The following EIF3H variants were observed in gnomAD, a reference collection of about 807,000 sequenced individuals.
EIF3H encodes the protein eIF-3-gamma.
Under a neutral mutation model 44.2 loss-of-function variants are expected in EIF3H, and 26 were observed. That is an observed-to-expected ratio of 0.59 (90% CI 0.43 to 0.82). EIF3H has a LOEUF of 0.82. EIF3H is among the 40% of genes least tolerant of loss of function. The pLI, the probability that EIF3H is intolerant of heterozygous loss-of-function variation, is 0.00. For synonymous variants in EIF3H, 166 were observed against 151.9 expected (o/e 1.09, Z -0.68); for missense variants, 359 against 432.8 (o/e 0.83, Z 1.51).
intron 2 of EIF3H, among the ~76,000 whole-genome samples, chr8:116,712,701 A>T (rs140233170): frequency 6.6e-6 from 1 of 152,192 alleles, no homozygotes; most frequent in Non-Finnish European, 1.5e-5. Context: ...ATCTCAAAAC[A>T]GATAAAGTCC....
At chr8:116,667,481 T>G (rs1475242754) in intron 2 of EIF3H, among the ~76,000 whole-genome samples, 1 of 141,460 alleles carries the variant, frequency 7.1e-6, no homozygotes, top group Admixed American at 7.0e-5. Context: ...AAAAAAAAGA[T>G]TAAGGGGCTA....
At chr8:116,697,563 A>C (rs990269888) in intron 2 of EIF3H, among the ~76,000 whole-genome samples, 2 of 152,188 alleles carry the variant, frequency 1.3e-5, no homozygotes, top group Non-Finnish European at 2.9e-5. Flanking sequence ...CCTTAAAGCC[A>C]CTATAAAGAG....
At chr8:116,657,391 TTC>T in intron 3 of EIF3H, 77 bp from the exon 4 acceptor site, 1 of 1,029,044 alleles carries the variant, frequency 9.7e-7, no homozygotes, top group Admixed American at 2.0e-5. Context: ...TCTAGGCACA[TTC>T]TGTTACATAT....
intron 2 of EIF3H, 105 bp downstream of exon 2, chr8:116,725,911 G>T: frequency 1.5e-6 from 2 of 1,350,212 alleles, no homozygotes; most frequent in Non-Finnish European, 2.0e-6. Flanking sequence ...AAGTAGGCTA[G>T]CCTGACAGAT....
At chr8:116,719,538 C>A (rs1255094649) in intron 2 of EIF3H, among the ~76,000 whole-genome samples, 1 of 151,828 alleles carries the variant, frequency 6.6e-6, no homozygotes, top group African/African-American at 2.4e-5. Context: ...GAGGACAGCA[C>A]ACAAATAAAA....
intron 2 of EIF3H, among the ~76,000 whole-genome samples, chr8:116,691,583 T>C (rs1042844582): frequency 6.7e-6 from 1 of 149,528 alleles, no homozygotes; most frequent in African/African-American, 2.5e-5. Flanking sequence ...ATAAAAGAAA[T>C]GCCCTTTTAG....
chr8:116,667,026 T>G (rs951840790), intron 2 of EIF3H, among the ~76,000 whole-genome samples: 5 of 152,196 alleles, frequency 3.3e-5, no homozygotes, highest in Non-Finnish European at 7.4e-5. Context: ...TAGCTTGCAT[T>G]AAACCATACA....
chr8:116,648,998 T>G, intron 5 of EIF3H, 72 bp from the exon 6 acceptor site: 1 of 1,371,964 alleles, frequency 7.3e-7, no homozygotes, highest in East Asian at 2.6e-5. Flanking sequence ...TAAACAGTTT[T>G]AAGATATGAA....
upstream of EIF3H, among the ~76,000 whole-genome samples, chr8:116,757,930 C>A (rs1396575829): frequency 1.3e-5 from 2 of 152,122 alleles, no homozygotes; most frequent in African/African-American, 4.8e-5. Context: ...CCATGTTGGC[C>A]AGGCTGGTTT....
intron 2 of EIF3H, among the ~76,000 whole-genome samples, chr8:116,664,326 A>C (rs181187266): frequency 3.9e-5 from 6 of 152,364 alleles, no homozygotes; most frequent in Admixed American, 2.0e-4. Context: ...TTACTGTCAC[A>C]TATGAAAACA....
intron 1 of EIF3H, among the ~76,000 whole-genome samples, chr8:116,752,422 A>T (rs1254729212): frequency 6.6e-6 from 1 of 152,078 alleles, no homozygotes; most frequent in African/African-American, 2.4e-5. Context: ...ACGATGACAC[A>T]GGTACTATAC....
At chr8:116,677,796 C>A (rs1258171956) in intron 2 of EIF3H, among the ~76,000 whole-genome samples, 1 of 152,112 alleles carries the variant, frequency 6.6e-6, no homozygotes, top group Non-Finnish European at 1.5e-5. Flanking sequence ...ATGTTTATGT[C>A]CTGTGATTCT....
rs117807986 is a variant in EIF3H at position 116,745,628 on chromosome 8, A to T, written c.132+10038T>A. ...GCAGGTTTATCCAAATCTTGGGAGGAACATAAAAACGGAAAAGTCTGGCCC... is the reference window on the plus strand; with the variant it reads ...GCAGGTTTATCCAAATCTTGGGAGGTACATAAAAACGGAAAAGTCTGGCCC... On this transcript the variant is annotated intron_variant, in intron 1 of 7. Transcript: ENST00000521861. 1.3e-3 allele frequency among the ~76,000 whole-genome samples: 192 copies of T among 152,268 alleles called. 3 individuals are homozygous for T. The East Asian group carries it at 0.033, about 26-fold the overall frequency.
chr8:116,741,615 C>A (rs890980743), intron 1 of EIF3H, among the ~76,000 whole-genome samples: 1 of 152,196 alleles, frequency 6.6e-6, no homozygotes, highest in Non-Finnish European at 1.5e-5. Context: ...AATTCCTACT[C>A]GGCTTTATTA....
At chr8:116,706,135 T>A (rs766268100) in intron 2 of EIF3H, among the ~76,000 whole-genome samples, 1 of 152,202 alleles carries the variant, frequency 6.6e-6, no homozygotes, top group Admixed American at 6.5e-5. Flanking sequence ...TATAAAGACA[T>A]TGATGACAGC....
At chr8:116,712,248 A>G (rs1050920829) in intron 2 of EIF3H, among the ~76,000 whole-genome samples, 1 of 152,226 alleles carries the variant, frequency 6.6e-6, no homozygotes, top group Non-Finnish European at 1.5e-5. Context: ...TACCACCAAA[A>G]TATGTCTCCA....
intron 1 of EIF3H, among the ~76,000 whole-genome samples, chr8:116,738,030 A>C (rs1815071848): frequency 7.2e-6 from 1 of 138,440 alleles, no homozygotes; most frequent in South Asian, 2.3e-4. Context: ...GCGAGGCTCC[A>C]TCTCAAAAAA....
chr8:116,689,065 TTACA>T (rs1291530807), intron 2 of EIF3H: 2 of 441,532 alleles, frequency 4.5e-6, no homozygotes, highest in Admixed American at 4.9e-5. Context: ...AACGTATTAC[TTACA>T]TACATTTAAT....
upstream of EIF3H, among the ~76,000 whole-genome samples, chr8:116,760,784 G>A (rs1484657249): frequency 6.6e-6 from 1 of 152,130 alleles, no homozygotes; most frequent in East Asian, 1.9e-4. Flanking sequence ...TTTCTGCCCT[G>A]AGTCCTCCTG....
Sources: allele counts gnomAD v4.1 joint callset (sites outside exome capture counted in the v4.1 genomes callset), GRCh38; gene constraint gnomAD v4.1.1; transcripts MANE v1.5; gene names NCBI Gene and HGNC (gene_info 2026-07-23, HGNC 2026-07-21).